TBC1D8B: variants seen among roughly 807,000 people sequenced by gnomAD.
TBC1D8B encodes TBC1 domain family member 8B.
TBC1D8B carries 75 observed loss-of-function variants against 82.9 expected under a neutral mutation model. The observed-to-expected ratio is 0.90, with a 90% CI of 0.75 to 1.10. The LOEUF is 1.10. Ranked by LOEUF, TBC1D8B falls within the 50% of genes least tolerant of loss-of-function variation. TBC1D8B has a pLI of 0.00. For missense variants in TBC1D8B, 794 were observed against 796.9 expected (o/e 1.00, Z 0.04); for synonymous variants, 276 against 276.8 (o/e 1.00, Z 0.03).
chrX:106,848,253 T>C lies in TBC1D8B; in HGVS notation c.1787T>C (p.Val596Ala), dbSNP rs750689123. The change falls in exon 11 of 21, where the codon GTT (valine) becomes GCT (alanine). Residue 596 changes from valine to alanine, a missense_variant. Physicochemically the swap from Val to Ala is moderately conservative, Grantham distance 64. Coordinates refer to ENST00000357242, the MANE Select transcript of TBC1D8B (RefSeq NM_017752.3). ...AKEEEAFWLL[V>A]AVCERMLPDY... is the part of the protein sequence containing the mutation. ...GAGGAAGAAGCTTTTTGGCTTCTGGTTGCTGTATGTGAACGAATGTTGCCT... is the reference window on the plus strand; with the variant it reads ...GAGGAAGAAGCTTTTTGGCTTCTGGCTGCTGTATGTGAACGAATGTTGCCT... 8.4e-6 allele frequency: 10 copies of C among 1,195,837 alleles called. No homozygotes were observed. In the East Asian group the frequency reaches 3.0e-4, roughly 36 times the overall value.
intron 6 of TBC1D8B, among the ~76,000 whole-genome samples, 164 bp from the exon 7 acceptor site, chrX:106,827,006 G>T: frequency 9.0e-6 from 1 of 111,547 alleles, no homozygotes; most frequent in Non-Finnish European, 1.9e-5. Context: ...TTGCACTGAG[G>T]TTAATTGTAT....
rs1002981829 is a variant in TBC1D8B at position 106,840,967 on chromosome X, G to A, written c.1719+83G>A. ...CCAATTCCACTAATTTGGAAGTGGC[G>A]ATTATAAGGAAAGAGATGGGGGTGA... On this transcript the variant is annotated intron_variant, in intron 10 of 20. Coordinates refer to ENST00000357242, the MANE Select transcript of TBC1D8B (RefSeq NM_017752.3). The A allele has an allele frequency of 5.0e-5, 44 of 874,143 alleles. No individual in the cohort carries two copies. In the African/African-American group the frequency reaches 5.3e-4, roughly 11 times the overall value. 72.0% of individuals were successfully genotyped at this position (874,143 alleles called of 1,213,427 possible). A position where few individuals can be genotyped will look rare whatever the true frequency, so the allele number is the denominator to read the frequency against.
At chrX:106,830,564 G>T (rs764944109) in intron 7 of TBC1D8B, among the ~76,000 whole-genome samples, 4 of 110,952 alleles carry the variant, frequency 3.6e-5, no homozygotes, top group African/African-American at 9.8e-5. Flanking sequence ...AACAATGATA[G>T]ACTGGACTAA....
intron 17 of TBC1D8B, 131 bp from the exon 18 acceptor site, chrX:106,868,262 T>G: frequency 6.5e-6 from 2 of 305,804 alleles, no homozygotes; most frequent in Non-Finnish European, 1.1e-5. Flanking sequence ...ACTTCTGTAT[T>G]TCTTCACTTA....
chrX:106,870,515 C>T (rs1043197069), intron 19 of TBC1D8B, among the ~76,000 whole-genome samples: 3 of 111,584 alleles, frequency 2.7e-5, no homozygotes, highest in Non-Finnish European at 5.6e-5. Flanking sequence ...CTAAAGTAAA[C>T]GTTTTAGTCT....
chrX:106,806,275 A>G (rs1931184994), intron 1 of TBC1D8B, among the ~76,000 whole-genome samples: 1 of 112,142 alleles, frequency 8.9e-6, no homozygotes, highest in Non-Finnish European at 1.9e-5. Context: ...AGGATGGAAT[A>G]TCTTGTGGAA....
In TBC1D8B at chrX:106,840,154, G is replaced by C; in HGVS notation, c.1460G>C (p.Gly487Ala). 8.3e-7 allele frequency: 1 copy of C among 1,209,801 alleles called. No homozygotes were observed. The highest frequency in any genetic ancestry group is 2.3e-4 in the Middle Eastern group (1 of 4,346). ...AAGACTCGAGATCTTGTTGTAAGAGGGATTCCAGAAACATTAAGAGGAGAA... is the reference window on the plus strand; with the variant it reads ...AAGACTCGAGATCTTGTTGTAAGAGCGATTCCAGAAACATTAAGAGGAGAA... ...TKKTRDLVVR[G>A]IPETLRGELW... The change falls in exon 9 of 21, where the codon GGG becomes GCG. Residue 487 changes from glycine to alanine, a missense_variant. By Grantham distance (60) the Gly-to-Ala change is moderately conservative (BLOSUM62 0). Transcript: ENST00000357242.
In TBC1D8B at chrX:106,874,931, C is replaced by T. The variant is rs186777878; in HGVS notation, c.*966C>T. 1 of 112,151 alleles carries T rather than the reference C, an allele frequency of 8.9e-6. No homozygotes were observed. Among genetic ancestry groups the T allele is most frequent in the Admixed American group, 9.5e-5 (1 of 10,496 alleles). The allele number at this position is 112,151 out of a possible 1,213,427, so 9.2% of individuals were successfully genotyped here. On this transcript the variant is annotated 3_prime_UTR_variant, in exon 21 of 21. Coordinates refer to ENST00000357242, the MANE Select transcript of TBC1D8B (RefSeq NM_017752.3). ...AGACTGAATTATCTTATTAGTCTGG[C>T]AAGCATATAAAGTATACTTGTATGT...
At chrX:106,818,621 T>G (rs367992174) in intron 1 of TBC1D8B, 42 bp from the exon 2 acceptor site, 10 of 979,710 alleles carry the variant, frequency 1.0e-5, no homozygotes, top group Non-Finnish European at 1.3e-5. Context: ...TTGATTTATC[T>G]CTTGTAAAGT....
At chrX:106,867,475 A>C (rs1171531969) in intron 17 of TBC1D8B, among the ~76,000 whole-genome samples, 1 of 111,660 alleles carries the variant, frequency 9.0e-6, no homozygotes, top group African/African-American at 3.3e-5. Context: ...TTGCATAGCA[A>C]ACTGAAGTCT....
chrX:106,824,206 G>A lies in TBC1D8B; in HGVS notation c.827+740G>A, dbSNP rs187704506. Among the ~76,000 whole-genome samples the A allele has an allele frequency of 1.3e-4, 14 of 111,474 alleles. No individual in the cohort carries two copies. In the East Asian group the frequency reaches 4.0e-3, roughly 32 times the overall value. On this transcript the variant is annotated intron_variant, in intron 5 of 20. Coordinates refer to ENST00000357242, the MANE Select transcript of TBC1D8B (RefSeq NM_017752.3). ...ATGAGCATGCCAAAGGGGAAAAGGA[G>A]AGGAGATGATCCAGAAATAGCTAGT...
At chrX:106,805,290 G>T in intron 1 of TBC1D8B, among the ~76,000 whole-genome samples, 1 of 105,393 alleles carries the variant, frequency 9.5e-6, no homozygotes, top group African/African-American at 3.5e-5. Context: ...AGGCTGTGTT[G>T]CCCAGGCATG....
intron 1 of TBC1D8B, among the ~76,000 whole-genome samples, chrX:106,813,450 T>G (rs1931437503): frequency 8.9e-6 from 1 of 111,892 alleles, no homozygotes; most frequent in South Asian, 3.7e-4. Context: ...CAATTTTCTT[T>G]CTACATAGTA....
intron 12 of TBC1D8B, among the ~76,000 whole-genome samples, chrX:106,851,906 T>TTA (rs1287481704): frequency 3.6e-5 from 4 of 111,217 alleles, no homozygotes; most frequent in Non-Finnish European, 7.6e-5. Context: ...GCAGCATGAT[T>TTA]TATAATCCTT....
At chrX:106,823,993 C>T (rs889067028) in intron 5 of TBC1D8B, among the ~76,000 whole-genome samples, 2 of 111,201 alleles carry the variant, frequency 1.8e-5, no homozygotes, top group Non-Finnish European at 3.8e-5. Flanking sequence ...CCTCAGAGGG[C>T]ACTTATGAGG....
chrX:106,830,948 T>TAATA (rs769351110), intron 7 of TBC1D8B, among the ~76,000 whole-genome samples: 7,905 of 104,806 alleles, frequency 0.075, 492 homozygotes, highest in African/African-American at 0.18. Context: ...AGTATAATAA[T>TAATA]AATAAATAAA....
chrX:106,833,977 A>G (rs1036338920), intron 7 of TBC1D8B, among the ~76,000 whole-genome samples: 1 of 110,117 alleles, frequency 9.1e-6, no homozygotes, highest in Admixed American at 9.6e-5. Flanking sequence ...AAAAAAAAAA[A>G]GAAGGGAATT....
chrX:106,810,723 A>G (rs1346714462), intron 1 of TBC1D8B, among the ~76,000 whole-genome samples: 4 of 112,174 alleles, frequency 3.6e-5, no homozygotes, highest in African/African-American at 6.5e-5. Flanking sequence ...TGGCTTATTA[A>G]AAGGAAAATC....
At chrX:106,847,171 T>TG (rs1697228843) in intron 10 of TBC1D8B, among the ~76,000 whole-genome samples, 2 of 111,893 alleles carry the variant, frequency 1.8e-5, no homozygotes, top group South Asian at 7.4e-4. Flanking sequence ...CAGCATTATA[T>TG]GTAATAGTAA....
Sources: gnomAD v4.1 joint callset for allele counts (sites outside exome capture counted in the v4.1 genomes callset) on GRCh38, gnomAD v4.1.1 for gene constraint, MANE v1.5 for transcripts, NCBI Gene and HGNC (gene_info 2026-07-23, HGNC 2026-07-21) for gene names.